The following TTLL7 variants were observed in gnomAD, a reference collection of about 807,000 sequenced individuals.
TTLL7 encodes tubulin tyrosine ligase like 7.
A neutral mutation model predicts 120.2 loss-of-function variants in TTLL7; 53 were observed. That is an observed-to-expected ratio of 0.44 (90% CI 0.35 to 0.55). The LOEUF (loss-of-function observed/expected upper bound fraction) is 0.55. TTLL7 is among the 20% of genes least tolerant of loss of function. TTLL7 has a pLI of 0.00. For synonymous variants in TTLL7, 353 were observed against 351.7 expected, an observed-to-expected ratio of 1.00 and a Z score of -0.04; for missense variants, 803 against 1,054.7, an observed-to-expected ratio of 0.76 and a Z score of 3.31.
chr1:83,953,091 TG>T (rs1161410117), intron 1 of TTLL7, among the ~76,000 whole-genome samples: 1 of 152,060 alleles, frequency 6.6e-6, no homozygotes, highest in African/African-American at 2.4e-5. Context: ...AGAAAATGGG[TG>T]GGGTCATTAT....
chr1:83,950,311 A>C (rs1367150831), intron 3 of TTLL7, among the ~76,000 whole-genome samples: 1 of 152,196 alleles, frequency 6.6e-6, no homozygotes, highest in Non-Finnish European at 1.5e-5. Context: ...TCTACTCAGG[A>C]AAATGTACTT....
At chr1:83,875,488 G>A (rs602568) in intron 20 of TTLL7, among the ~76,000 whole-genome samples, 120,156 of 151,742 alleles carry the variant, frequency 0.79, 47,923 homozygotes, top group East Asian at 0.89. Context: ...AAATGCTACT[G>A]TAATCATTCT....
chr1:83,892,547 CATAT>C (rs1280127698), intron 18 of TTLL7, among the ~76,000 whole-genome samples: 5 of 123,476 alleles, frequency 4.0e-5, no homozygotes, highest in South Asian at 2.6e-4. Flanking sequence ...TATGAATGAA[CATAT>C]ATATGAACAT....
At chr1:83,911,947 T>C (rs1657713822) in intron 14 of TTLL7, among the ~76,000 whole-genome samples, 1 of 152,090 alleles carries the variant, frequency 6.6e-6, no homozygotes, top group Non-Finnish European at 1.5e-5. Flanking sequence ...ATTCAGACAA[T>C]GTGCAGGAAG....
intron 1 of TTLL7, among the ~76,000 whole-genome samples, chr1:83,970,206 T>C: frequency 6.6e-6 from 1 of 152,062 alleles, no homozygotes; most frequent in East Asian, 1.9e-4. Flanking sequence ...TTTGTGTTTA[T>C]TTTAGTACTT....
At chr1:83,949,759 G>C (rs1488899779) in intron 4 of TTLL7, 106 bp downstream of exon 4, 7 of 1,269,112 alleles carry the variant, frequency 5.5e-6, no homozygotes, top group African/African-American at 4.5e-5. Context: ...AGGTGAGTAA[G>C]AGCTGAAATG....
intron 20 of TTLL7, among the ~76,000 whole-genome samples, chr1:83,880,849 G>A (rs1349864724): frequency 6.6e-6 from 1 of 151,854 alleles, no homozygotes; most frequent in African/African-American, 2.4e-5. Flanking sequence ...TATACTACAA[G>A]GCTACAGTAA....
Position 83,904,171 on chromosome 1 carries a change from G to C in TTLL7, c.2128-12C>G, listed in dbSNP as rs1304372451. ...CAGTTATCAATGATCTGTTTGGAAG[G>C]AGGAACATTAAGAAATTTACAGGTT... is the stretch of plus-strand genomic sequence containing the variant. On this transcript the variant is annotated splice_polypyrimidine_tract_variant and intron_variant, in intron 17 of 20. Coordinates refer to ENST00000260505, the MANE Select transcript of TTLL7 (RefSeq NM_024686.6). 1 of 1,601,862 alleles carries C rather than the reference G, an allele frequency of 6.2e-7. No individual in the cohort carries two copies. Among genetic ancestry groups the C allele is most frequent in the Non-Finnish European group, 8.5e-7 (1 of 1,173,186 alleles).
At position 83,866,199 on chromosome 1, in the gene TTLL7, T is replaced by C. The variant is rs2100682813; in HGVS notation, c.*3763A>G. ...TACTATTTTTTAAAGAATACACATT[T>C]AAGAATGAATCAATGTTTTTTAGAA... On this transcript the variant is annotated 3_prime_UTR_variant, in exon 21 of 21. Coordinates refer to ENST00000260505, the MANE Select transcript of TTLL7 (RefSeq NM_024686.6). The C allele has an allele frequency of 6.6e-6, 1 of 152,004 alleles. No homozygotes were observed. Among genetic ancestry groups the C allele is most frequent in the African/African-American group, 2.4e-5 (1 of 41,562 alleles). 9.4% of individuals were successfully genotyped at this position (152,004 alleles called of 1,614,324 possible).
intron 1 of TTLL7, among the ~76,000 whole-genome samples, chr1:83,990,684 T>C (rs1006263987): frequency 1.3e-5 from 2 of 152,120 alleles, no homozygotes; most frequent in Non-Finnish European, 2.9e-5. Flanking sequence ...ACAGCTACAA[T>C]CAAAATATCA....
At chr1:83,975,478 T>C (rs1651382189) in intron 1 of TTLL7, among the ~76,000 whole-genome samples, 1 of 151,906 alleles carries the variant, frequency 6.6e-6, no homozygotes, top group Non-Finnish European at 1.5e-5. Context: ...GACAGATCTG[T>C]TTGATTCTCA....
chr1:83,931,037 G>GA (rs1295069364), intron 9 of TTLL7, among the ~76,000 whole-genome samples: 1 of 147,834 alleles, frequency 6.8e-6, no homozygotes, highest in Non-Finnish European at 1.5e-5. Flanking sequence ...GAAAGGTAAA[G>GA]AAAAAAAATA....
intron 20 of TTLL7, among the ~76,000 whole-genome samples, chr1:83,875,668 G>C (rs12120801): frequency 0.041 from 6,278 of 151,900 alleles, 158 homozygotes; most frequent in Middle Eastern, 0.099. Flanking sequence ...CAACACTTGT[G>C]ATGGATATGC....
chr1:83,932,164 T>C (rs1237244430), intron 9 of TTLL7, among the ~76,000 whole-genome samples: 1 of 152,138 alleles, frequency 6.6e-6, no homozygotes, highest in Admixed American at 6.6e-5. Flanking sequence ...GTGAAGCAAA[T>C]GTTTCTTCTA....
At chr1:83,984,907 G>T (rs557863977) in intron 1 of TTLL7, among the ~76,000 whole-genome samples, 2 of 152,178 alleles carry the variant, frequency 1.3e-5, no homozygotes, top group East Asian at 3.9e-4. Context: ...AACTGCATAT[G>T]TACCCCTTGT....
Position 83,998,914 on chromosome 1 carries a change from CGGCAGCAGGTA to C in TTLL7, c.-177+6_-177+16del. Reference sequence around the variant, plus strand: ...ATGGAAGGGGGTCGGGGGAGGATGGCGGCAGCAGGTACTCACCCGGGTGAGGAAAGCCCAGC... The same window carrying C: ...ATGGAAGGGGGTCGGGGGAGGATGGCCTCACCCGGGTGAGGAAAGCCCAGC... On this transcript the variant is annotated splice_donor_region_variant and intron_variant, in intron 1 of 20. Transcript: ENST00000260505. The C allele has an allele frequency of 2.6e-6, 1 of 385,772 alleles. No homozygotes were observed. 23.9% of individuals were successfully genotyped at this position (385,772 alleles called of 1,614,324 possible).
chr1:83,892,295 T>C (rs1330787575), intron 18 of TTLL7, among the ~76,000 whole-genome samples: 1 of 100,514 alleles, frequency 9.9e-6, no homozygotes, highest in Non-Finnish European at 2.3e-5. Flanking sequence ...TATGTATATA[T>C]GAATATATAT....
chr1:83,954,698 G>A (rs1649352725), intron 1 of TTLL7, among the ~76,000 whole-genome samples: 1 of 152,120 alleles, frequency 6.6e-6, no homozygotes, highest in African/African-American at 2.4e-5. Context: ...GTGCAGCTAA[G>A]GTTGAGAACC....
intron 15 of TTLL7, among the ~76,000 whole-genome samples, chr1:83,908,390 G>T (rs1249580243): frequency 6.6e-6 from 1 of 151,972 alleles, no homozygotes; most frequent in Non-Finnish European, 1.5e-5. Flanking sequence ...TTTAAATACA[G>T]AATTGGTTAT....
Sources: gnomAD v4.1 joint callset for allele counts (sites outside exome capture counted in the v4.1 genomes callset) on GRCh38, gnomAD v4.1.1 for gene constraint, MANE v1.5 for transcripts, NCBI Gene and HGNC (gene_info 2026-07-23, HGNC 2026-07-21) for gene names.